MAML2: variants seen among roughly 807,000 people sequenced by gnomAD.
MAML2 encodes the protein mastermind-like protein 2.
A neutral mutation model predicts 96.1 loss-of-function variants in MAML2; 22 were observed. The ratio of observed to expected loss-of-function variants is 0.23; its 90% CI spans 0.16 to 0.33. MAML2 has a LOEUF of 0.33. Among genes scored for constraint, MAML2 ranks in the 10% least tolerant of loss-of-function variants. The pLI is 1.00. For missense variants in MAML2, 1,367 were observed against 1,392.4 expected (o/e 0.98, Z 0.29); for synonymous variants, 561 against 521.3 (o/e 1.08, Z -1.04).
At chr11:96,031,133 G>C (rs1337652262) in intron 2 of MAML2, among the ~76,000 whole-genome samples, 1 of 152,134 alleles carries the variant, frequency 6.6e-6, no homozygotes, top group Non-Finnish European at 1.5e-5. Flanking sequence ...ATTAACTAAG[G>C]TAATATATCT....
Position 95,978,116 on chromosome 11 carries a change from T to C in MAML2, c.*832A>G. 1 of 214,398 alleles carries C rather than the reference T, an allele frequency of 4.7e-6. No individual in the cohort carries two copies. The highest frequency in any genetic ancestry group is 6.9e-5 in the East Asian group (1 of 14,392). 13.3% of individuals were successfully genotyped at this position (214,398 alleles called of 1,614,324 possible). ...AGGTTATTTGTAGCCAAATAAATCT[T>C]ATTTATAGCAATGTCCACTGGGTTT... On this transcript the variant is annotated 3_prime_UTR_variant, in exon 5 of 5. Coordinates refer to ENST00000524717, the MANE Select transcript of MAML2 (RefSeq NM_032427.4).
Position 95,979,390 on chromosome 11 carries a change from GA to G in MAML2, c.3028del (p.Ser1010ProfsTer11). On this transcript the variant is annotated frameshift_variant, in exon 5 of 5. Coordinates refer to ENST00000524717, the MANE Select transcript of MAML2 (RefSeq NM_032427.4). LOFTEE classifies it high-confidence loss of function. Reference sequence around the variant, plus strand: ...GTTAGGAGGAGCCACTGCCCTCTGGGAAAATTGCTGGCTACCTACTGCCTGT... The same window carrying G: ...GTTAGGAGGAGCCACTGCCCTCTGGGAAATTGCTGGCTACCTACTGCCTGT... ...LQQAVGSQQF[S>X]QRAVAPPNQL... is the part of the protein sequence containing the mutation. 1 of 1,613,578 alleles carries G rather than the reference GA, an allele frequency of 6.2e-7. No homozygotes were observed. Among genetic ancestry groups the G allele is most frequent in the East Asian group, 2.2e-5 (1 of 44,850 alleles).
At chr11:96,082,086 GT>G (rs1486155254) in intron 2 of MAML2, among the ~76,000 whole-genome samples, 10 of 152,034 alleles carry the variant, frequency 6.6e-5, no homozygotes, top group Non-Finnish European at 1.5e-5. Flanking sequence ...CAGGCACTGT[GT>G]TTGCCCTTGG....
rs564666023 is a variant in MAML2 at position 96,062,335 on chromosome 11, A to G, written c.2139+29557T>C. On this transcript the variant is annotated intron_variant, in intron 2 of 4. Coordinates refer to ENST00000524717, the MANE Select transcript of MAML2 (RefSeq NM_032427.4). Reference sequence around the variant, plus strand: ...TTTCCTGTACTGTTTTAACTTCTCAATAAGCATGTAGACACTGCAGTGAAG... The same window carrying G: ...TTTCCTGTACTGTTTTAACTTCTCAGTAAGCATGTAGACACTGCAGTGAAG... Among the ~76,000 whole-genome samples, 18 of 152,340 alleles carry G rather than the reference A, an allele frequency of 1.2e-4. No individual in the cohort carries two copies. The South Asian group carries it at 2.7e-3, about 23-fold the overall frequency.
chr11:96,027,717 G>T (rs1858547563), intron 2 of MAML2, among the ~76,000 whole-genome samples: 1 of 151,968 alleles, frequency 6.6e-6, no homozygotes, highest in Admixed American at 6.6e-5. Context: ...TCTTTTTCAG[G>T]TTATTTTATT....
At chr11:96,258,940 T>C (rs1475318398) in intron 1 of MAML2, among the ~76,000 whole-genome samples, 3 of 152,322 alleles carry the variant, frequency 2.0e-5, no homozygotes, top group Admixed American at 2.0e-4. Context: ...GAGGACTTTC[T>C]GGGTGGGAGC....
At position 96,341,528 on chromosome 11, in the gene MAML2, G is replaced by A; in HGVS notation, c.368C>T (p.Ala123Val). 6.4e-7 allele frequency: 1 copy of A among 1,551,418 alleles called. No individual in the cohort carries two copies. The highest frequency in any genetic ancestry group is 8.7e-7 in the Non-Finnish European group (1 of 1,146,958). Residue 123 changes from alanine to valine, a missense_variant, in exon 1 of 5, where the codon GCC (alanine) becomes GTC (valine). Transcript: ENST00000524717. The part of the protein sequence containing the change: ...PAASQAAATA[A>V]PPPPPDYHHH... Reference sequence around the variant, plus strand: ...GTGATAGTCTGGTGGGGGCGGTGGGGCTGCTGTTGCTGCTGCTTGGGAGGC... The same window carrying A: ...GTGATAGTCTGGTGGGGGCGGTGGGACTGCTGTTGCTGCTGCTTGGGAGGC...
At chr11:96,014,926 T>A (rs1858320683) in intron 2 of MAML2, among the ~76,000 whole-genome samples, 2 of 152,206 alleles carry the variant, frequency 1.3e-5, no homozygotes. Flanking sequence ...CTATCATGTG[T>A]TGGACACTTT....
At chr11:96,103,490 A>G (rs1859968963) in intron 1 of MAML2, among the ~76,000 whole-genome samples, 1 of 152,192 alleles carries the variant, frequency 6.6e-6, no homozygotes, top group African/African-American at 2.4e-5. Flanking sequence ...AGAGTGCCCT[A>G]ACAGTGTTCG....
chr11:96,056,388 G>GAAA (rs34837308), intron 2 of MAML2, among the ~76,000 whole-genome samples: 19,509 of 97,046 alleles, frequency 0.2, 1,659 homozygotes, highest in East Asian at 0.36. Flanking sequence ...ATTTTCTGAG[G>GAAA]AAAAAAAAAA....
chr11:96,079,801 A>G (rs573439137), intron 2 of MAML2, among the ~76,000 whole-genome samples: 1 of 152,298 alleles, frequency 6.6e-6, no homozygotes, highest in Non-Finnish European at 1.5e-5. Context: ...GAAACAGGGA[A>G]CCTGATCAAG....
intron 2 of MAML2, among the ~76,000 whole-genome samples, chr11:96,026,778 C>G (rs1858528367): frequency 7.7e-6 from 1 of 130,610 alleles, no homozygotes; most frequent in South Asian, 2.4e-4. Context: ...ACAGTAGATA[C>G]AACATGAGAA....
intron 1 of MAML2, among the ~76,000 whole-genome samples, chr11:96,140,616 G>A (rs1860715092): frequency 6.6e-6 from 1 of 152,296 alleles, no homozygotes; most frequent in African/African-American, 2.4e-5. Flanking sequence ...ATATAGCCTG[G>A]AGCAGTGCTG....
chr11:96,071,564 T>A (rs571536928), intron 2 of MAML2, among the ~76,000 whole-genome samples: 1 of 152,164 alleles, frequency 6.6e-6, no homozygotes, highest in Non-Finnish European at 1.5e-5. Flanking sequence ...TGGGGTATAG[T>A]TGAGGGTTAG....
chr11:96,079,206 T>G (rs1416228824), intron 2 of MAML2, among the ~76,000 whole-genome samples: 3 of 152,244 alleles, frequency 2.0e-5, no homozygotes, highest in Non-Finnish European at 4.4e-5. Flanking sequence ...TTTTAGAATT[T>G]CATGGAAAAT....
intron 2 of MAML2, among the ~76,000 whole-genome samples, chr11:96,088,880 G>A (rs186234187): frequency 6.6e-6 from 1 of 152,092 alleles, no homozygotes; most frequent in Non-Finnish European, 1.5e-5. Context: ...TCAGAGTTCC[G>A]ACAGGTAAAG....
intron 1 of MAML2, among the ~76,000 whole-genome samples, chr11:96,317,847 A>G (rs1459006881): frequency 6.6e-6 from 1 of 152,210 alleles, no homozygotes; most frequent in Non-Finnish European, 1.5e-5. Flanking sequence ...TTATTTGCAG[A>G]GCATATTCAA....
At chr11:96,035,990 G>C (rs1478093901) in intron 2 of MAML2, among the ~76,000 whole-genome samples, 1 of 152,158 alleles carries the variant, frequency 6.6e-6, no homozygotes. Flanking sequence ...GTCTGAAACT[G>C]TGCCTGTCAT....
intron 1 of MAML2, among the ~76,000 whole-genome samples, chr11:96,099,796 T>TAA (rs1438694628): frequency 6.6e-6 from 1 of 152,178 alleles, no homozygotes; most frequent in East Asian, 1.9e-4. Flanking sequence ...TTTACTTTTT[T>TAA]AAAGACATTT....
Sources: allele counts gnomAD v4.1 joint callset (sites outside exome capture counted in the v4.1 genomes callset), GRCh38; gene constraint gnomAD v4.1.1; transcripts MANE v1.5; gene names NCBI Gene and HGNC (gene_info 2026-07-23, HGNC 2026-07-21).